TRIM13: variants seen among roughly 807,000 people sequenced by gnomAD.
TRIM13 encodes the protein E3 ubiquitin-protein ligase TRIM13.
In TRIM13, 15 loss-of-function variants were observed where a neutral mutation model predicts 27.1. The ratio of observed to expected loss-of-function variants is 0.55; its 90% CI spans 0.37 to 0.85. The LOEUF (loss-of-function observed/expected upper bound fraction) is 0.85, where lower values mean the gene tolerates loss of function less well. TRIM13 is among the 40% of genes least tolerant of loss of function. TRIM13 has a pLI of 0.00. For synonymous variants in TRIM13, 193 were observed against 171.5 expected, an observed-to-expected ratio of 1.13 and a Z score of -0.98; for missense variants, 402 against 472.2, an observed-to-expected ratio of 0.85 and a Z score of 1.38.
chr13:50,009,596 G>A (rs187622503), intron 1 of TRIM13, among the ~76,000 whole-genome samples: 22 of 152,154 alleles, frequency 1.4e-4, no homozygotes, highest in Non-Finnish European at 2.5e-4. Context: ...AATTACCTGC[G>A]TGTGGTGGTA....
chr13:50,008,928 T>A (rs1875180443), intron 1 of TRIM13, among the ~76,000 whole-genome samples: 1 of 147,684 alleles, frequency 6.8e-6, no homozygotes, highest in South Asian at 2.1e-4. Flanking sequence ...ACTTGGAGGT[T>A]GAGGCAGGAG....
Position 50,015,714 on chromosome 13 carries a change from C to T in TRIM13, c.*2550C>T, listed in dbSNP as rs763989101. 3 of 1,614,078 alleles carry T rather than the reference C, an allele frequency of 1.9e-6. No homozygotes were observed. The highest frequency in any genetic ancestry group is 8.5e-7 in the Non-Finnish European group (1 of 1,179,928). ...AGAACTCACCAGCTTTTATTACCCA[C>T]TGAATTTTCAGACTATCTTAGGCTT... On this transcript the variant is annotated 3_prime_UTR_variant, in exon 2 of 2. Transcript: ENST00000378182.
At chr13:50,000,617 AT>A (rs1566431241) in intron 1 of TRIM13, among the ~76,000 whole-genome samples, 1 of 152,264 alleles carries the variant, frequency 6.6e-6, no homozygotes, top group South Asian at 2.1e-4. Context: ...ACAAAATTGT[AT>A]TATGCTACCA....
At chr13:50,011,097 T>TA (rs1875576350) in intron 1 of TRIM13, among the ~76,000 whole-genome samples, 3 of 152,244 alleles carry the variant, frequency 2.0e-5, no homozygotes, top group Admixed American at 2.0e-4. Context: ...CAGCGCTTCT[T>TA]ACAGCTTTGC....
At chr13:50,004,637 G>T (rs542210254) in intron 1 of TRIM13, among the ~76,000 whole-genome samples, 2 of 151,926 alleles carry the variant, frequency 1.3e-5, no homozygotes, top group Admixed American at 1.3e-4. Context: ...AGTGGTGCAT[G>T]CCTGTAATCC....
In TRIM13 at chr13:50,012,734, C is replaced by A; in HGVS notation, c.794C>A (p.Thr265Asn). ...GAGAAAATCAAAGTAATCAAGGAAA[C>A]TCCTTTACCTCCCTCTAATTTGCCT... ...FREKIKVIKETPLPPSNLPAS... is the reference protein window; with the variant it reads ...FREKIKVIKENPLPPSNLPAS... The change falls in exon 2 of 2, where the codon ACT becomes AAT. Residue 265 changes from threonine to asparagine, a missense_variant. Thr to Asn is a moderately conservative substitution (Grantham distance 65). Around this residue, in one of 2 missense-constraint regions of TRIM13, gnomAD observed 200 missense variants for 194.7 expected, o/e 1.03. Transcript: ENST00000378182. 1 of 1,614,072 alleles carries A rather than the reference C, an allele frequency of 6.2e-7. No homozygotes were observed. Among genetic ancestry groups the A allele is most frequent in the Non-Finnish European group, 8.5e-7 (1 of 1,179,994 alleles).
chr13:50,016,443 C>T lies in TRIM13; in HGVS notation c.*3279C>T, dbSNP rs967859657. On this transcript the variant is annotated 3_prime_UTR_variant, in exon 2 of 2. Coordinates refer to ENST00000378182, the MANE Select transcript of TRIM13 (RefSeq NM_213590.3). ...TGTTTCAGTGGTTCACATAAAGGCT[C>T]GCTCACTGGTTTCTCTTGAGTTCCT... is the stretch of plus-strand genomic sequence containing the variant. 12 of 205,934 alleles carry T rather than the reference C, an allele frequency of 5.8e-5. No homozygotes were observed. Among genetic ancestry groups the T allele is most frequent in the South Asian group, 2.3e-4 (2 of 8,834 alleles). 12.8% of individuals were successfully genotyped at this position (205,934 alleles called of 1,614,324 possible). A position where few individuals can be genotyped will look rare whatever the true frequency, so the allele number is the denominator to read the frequency against.
rs2138430832 is a variant in TRIM13 at position 50,014,622 on chromosome 13, T to A, written c.*1458T>A. ...AATCAGCTGAACACTAATGCTGTTC[T>A]GTCTGCTCACAAGAGATAAAGATAC... On this transcript the variant is annotated 3_prime_UTR_variant, in exon 2 of 2. Transcript: ENST00000378182. 1 of 166,930 alleles carries A rather than the reference T, an allele frequency of 6.0e-6. No homozygotes were observed. Among genetic ancestry groups the A allele is most frequent in the East Asian group, 1.9e-4 (1 of 5,180 alleles). The allele number at this position is 166,930 out of a possible 1,614,324, so 10.3% of individuals were successfully genotyped here.
rs745444022 is a variant in TRIM13 at position 50,013,015 on chromosome 13, A to T, written c.1075A>T (p.Thr359Ser). 8.1e-6 allele frequency: 13 copies of T among 1,613,846 alleles called. No individual in the cohort carries two copies. The highest frequency in any genetic ancestry group is 1.1e-5 in the Non-Finnish European group (13 of 1,179,960). Residue 359 changes from threonine (T) to serine (S), a missense_variant, in exon 2 of 2, where the codon ACT becomes TCT. Thr to Ser is a moderately conservative substitution (Grantham distance 58, BLOSUM62 1). Around this residue, in one of 2 missense-constraint regions of TRIM13, gnomAD observed 200 missense variants for 194.7 expected, o/e 1.03. Coordinates refer to ENST00000378182, the MANE Select transcript of TRIM13 (RefSeq NM_213590.3). ...TCTTTCAAACTTCAGTTCCTATCTG[A>T]CTAAAACAGCCGATTTCATAGAACA... ...GCLSNFSSYLTKTADFIEQSV... is the reference protein window; with the variant it reads ...GCLSNFSSYLSKTADFIEQSV...
Position 50,012,204 on chromosome 13 carries a change from T to C in TRIM13, c.264T>C (p.Ser88=), listed in dbSNP as rs773683852. The change falls in exon 2 of 2, where the codon TCT becomes TCC. Residue 88 remains serine (S), a synonymous_variant. Transcript: ENST00000378182. Reference sequence around the variant, plus strand: ...AAAAGTATAACAAGATCAAGATCTCTCCCAAAATGCCAGTATGCAAAGGAC... The same window carrying C: ...AAAAGTATAACAAGATCAAGATCTCCCCCAAAATGCCAGTATGCAAAGGAC... ...IVEKYNKIKI[S]PKMPVCKGHL... 29 of 1,614,160 alleles carry C rather than the reference T, an allele frequency of 1.8e-5. No homozygotes were observed. The highest frequency in any genetic ancestry group is 3.3e-4 in the Middle Eastern group (2 of 6,062).
chr13:50,005,297 T>A (rs976467313), intron 1 of TRIM13, among the ~76,000 whole-genome samples: 6 of 152,242 alleles, frequency 3.9e-5, no homozygotes, highest in African/African-American at 1.2e-4. Flanking sequence ...AACAAAGATG[T>A]CTACCATGGT....
intron 1 of TRIM13, among the ~76,000 whole-genome samples, chr13:50,002,920 C>T (rs1874227125): frequency 1.3e-5 from 2 of 152,262 alleles, no homozygotes; most frequent in South Asian, 4.1e-4. Flanking sequence ...CTCAGCCTTC[C>T]AAAGTGCTGG....
chr13:50,007,815 C>T (rs1164669588), intron 1 of TRIM13, among the ~76,000 whole-genome samples: 5 of 149,204 alleles, frequency 3.4e-5, no homozygotes, highest in African/African-American at 4.9e-5. Flanking sequence ...AACTAATTAA[C>T]CCTGCAAGCT....
chr13:50,011,519 A>G (rs2138413800), intron 1 of TRIM13, among the ~76,000 whole-genome samples: 1 of 152,328 alleles, frequency 6.6e-6, no homozygotes, highest in South Asian at 2.1e-4. Flanking sequence ...TCTTTCTTTT[A>G]TATAACATAC....
In TRIM13 at chr13:50,016,058, CA is replaced by C; in HGVS notation, c.*2897del. Reference sequence around the variant, plus strand: ...TGGTTCTGACAGCACTACTGATAACCAAACTGGAGTCAGGTATTTTGTACTT... The same window carrying C: ...TGGTTCTGACAGCACTACTGATAACCAACTGGAGTCAGGTATTTTGTACTT... On this transcript the variant is annotated 3_prime_UTR_variant, in exon 2 of 2. Transcript: ENST00000378182. 1 of 1,612,196 alleles carries C rather than the reference CA, an allele frequency of 6.2e-7. No individual in the cohort carries two copies.
In TRIM13 at chr13:49,997,061, G is replaced by T. The variant is rs1305538308; in HGVS notation, c.-709G>T. ...AGCCGCGAGTCCATTTTGGGGCTGT[G>T]CTTGGCGCGTACCGTGCGGTCCCTG... On this transcript the variant is annotated 5_prime_UTR_variant, in exon 1 of 2. Coordinates refer to ENST00000378182, the MANE Select transcript of TRIM13 (RefSeq NM_213590.3). The T allele has an allele frequency of 1.3e-5, 2 of 151,230 alleles. No individual in the cohort carries two copies. Among genetic ancestry groups the T allele is most frequent in the Non-Finnish European group, 2.9e-5 (2 of 68,006 alleles). 9.4% of individuals were successfully genotyped at this position (151,230 alleles called of 1,614,324 possible).
In TRIM13 at chr13:50,016,179, A is replaced by C; in HGVS notation, c.*3015A>C. 3 of 806,126 alleles carry C rather than the reference A, an allele frequency of 3.7e-6. No homozygotes were observed. Among genetic ancestry groups the C allele is most frequent in the Non-Finnish European group, 5.9e-6 (3 of 508,304 alleles). 49.9% of individuals were successfully genotyped at this position (806,126 alleles called of 1,614,324 possible). The stretch of plus-strand genomic sequence containing the variant: ...CTTCTGGAAAAGATGATTATTCAAA[A>C]TAATGTTTTGGGGTAACCAGTGGAG... On this transcript the variant is annotated 3_prime_UTR_variant, in exon 2 of 2. Transcript: ENST00000378182.
In TRIM13 at chr13:50,012,608, A is replaced by G. The variant is rs1328042055; in HGVS notation, c.668A>G (p.Asn223Ser). 6.2e-7 allele frequency: 1 copy of G among 1,614,174 alleles called. No individual in the cohort carries two copies. Among genetic ancestry groups the G allele is most frequent in the Non-Finnish European group, 8.5e-7 (1 of 1,180,020 alleles). ...QAYDPEINKL[N>S]TILQEQRMAF... is the part of the protein sequence containing the mutation. ...TATGACCCAGAGATCAACAAACTCA[A>G]CACCATCTTGCAGGAGCAACGGATG... The change falls in exon 2 of 2, where the codon AAC (asparagine) becomes AGC (serine). Residue 223 changes from asparagine to serine, a missense_variant. Physicochemically the swap from Asn to Ser is conservative, Grantham distance 46. Around this residue, in one of 2 missense-constraint regions of TRIM13, gnomAD observed 202 missense variants for 277.5 expected, o/e 0.73. Transcript: ENST00000378182.
chr13:50,008,140 C>T (rs914956111), intron 1 of TRIM13, among the ~76,000 whole-genome samples: 13 of 151,988 alleles, frequency 8.6e-5, no homozygotes, highest in Admixed American at 3.3e-4. Context: ...CTCCTGACCT[C>T]GTGATCCGCC....
Sources: allele counts gnomAD v4.1 joint callset (sites outside exome capture counted in the v4.1 genomes callset), GRCh38; gene constraint gnomAD v4.1.1; regional missense constraint gnomAD v4.1.1; transcripts MANE v1.5; gene names NCBI Gene and HGNC (gene_info 2026-07-23, HGNC 2026-07-21).